Variants in PTPRE observed in about 807,000 individuals in gnomAD.
The protein encoded by PTPRE is protein tyrosine phosphatase receptor type E.
In PTPRE, 51 loss-of-function variants were observed where a neutral mutation model predicts 102.0. The ratio of observed to expected loss-of-function variants is 0.50; its 90% CI spans 0.40 to 0.63. PTPRE has a LOEUF of 0.63. PTPRE is among the 30% of genes least tolerant of loss of function. The pLI is 0.00. For missense variants in PTPRE, 752 were observed against 915.1 expected (o/e 0.82, Z 2.30); for synonymous variants, 345 against 348.2 (o/e 0.99, Z 0.10).
At chr10:128,001,106 A>G (rs1193220901) in intron 2 of PTPRE, among the ~76,000 whole-genome samples, 1 of 152,214 alleles carries the variant, frequency 6.6e-6, no homozygotes, top group Non-Finnish European at 1.5e-5. Flanking sequence ...TAAAACAACT[A>G]ATCACGTTTT....
rs11813708 is a variant in PTPRE, at chr10:128,083,706, C to A, written c.*800C>A. The A allele has an allele frequency of 0.076, 11,596 of 152,348 alleles. 690 individuals carry two copies. Among genetic ancestry groups the A allele is most frequent in the African/African-American group, 0.17 (6,848 of 41,502 alleles). The allele number at this position is 152,348 out of a possible 1,614,324, so 9.4% of individuals were successfully genotyped here. The stretch of plus-strand genomic sequence containing the variant: ...GGCCCAGACCACCCTCAGAAAAAAA[C>A]CAGCTGCCTCTCCCATTCTCCCCTC... On this transcript the variant is annotated 3_prime_UTR_variant, in exon 21 of 21. Transcript: ENST00000254667.
At chr10:128,055,811 G>T (rs1045051403) in intron 6 of PTPRE, among the ~76,000 whole-genome samples, 1 of 152,202 alleles carries the variant, frequency 6.6e-6, no homozygotes, top group Non-Finnish European at 1.5e-5. Flanking sequence ...GGGTCCATGG[G>T]CCCTGAGATA....
At chr10:127,963,090 C>A (rs896821170) in intron 1 of PTPRE, among the ~76,000 whole-genome samples, 6 of 152,150 alleles carry the variant, frequency 3.9e-5, no homozygotes, top group African/African-American at 1.4e-4. Context: ...CCTGTGGAGG[C>A]CAGACACTGA....
At chr10:127,974,148 AG>A (rs2135435280) in intron 1 of PTPRE, among the ~76,000 whole-genome samples, 1 of 152,306 alleles carries the variant, frequency 6.6e-6, no homozygotes, top group East Asian at 1.9e-4. Flanking sequence ...CCAAAGCCAA[AG>A]GTCTCTGCAG....
Position 128,047,496 on chromosome 10 carries a change from G to A in PTPRE, c.209+7G>A, listed in dbSNP as rs1053035310. 1.2e-6 allele frequency: 2 copies of A among 1,613,060 alleles called. No individual in the cohort carries two copies. The highest frequency in any genetic ancestry group is 1.7e-6 in the Non-Finnish European group (2 of 1,180,018). On this transcript the variant is annotated splice_region_variant and intron_variant, in intron 4 of 20. Coordinates refer to ENST00000254667, the MANE Select transcript of PTPRE (RefSeq NM_006504.6). The stretch of plus-strand genomic sequence containing the variant: ...TCGCCGCCTACTTCTTCAGGTAGGA[G>A]TGTCCCGGGGCACTGACTTGCCCCA...
intron 2 of PTPRE, among the ~76,000 whole-genome samples, chr10:128,006,297 G>C (rs550606825): frequency 6.6e-6 from 1 of 152,274 alleles, no homozygotes; most frequent in African/African-American, 2.4e-5. Flanking sequence ...GCACCATCAG[G>C]GTCCCTGGGT....
chr10:128,079,905 C>T (rs996301497), intron 20 of PTPRE, among the ~76,000 whole-genome samples: 4 of 152,126 alleles, frequency 2.6e-5, no homozygotes, highest in East Asian at 1.9e-4. Flanking sequence ...GGGCAAGACC[C>T]GGGAGGAGGG....
chr10:128,020,182 G>A (rs1845761185), intron 2 of PTPRE, among the ~76,000 whole-genome samples: 1 of 152,244 alleles, frequency 6.6e-6, no homozygotes, highest in South Asian at 2.1e-4. Flanking sequence ...CTTTTCCACA[G>A]CAGACCTTCT....
chr10:128,041,962 G>A (rs1847731654), intron 3 of PTPRE, among the ~76,000 whole-genome samples: 1 of 152,136 alleles, frequency 6.6e-6, no homozygotes. Flanking sequence ...AAAGATTTCT[G>A]GTGACAGAAC....
intron 2 of PTPRE, among the ~76,000 whole-genome samples, chr10:128,016,552 C>T (rs143536720): frequency 1.5e-3 from 224 of 151,138 alleles, no homozygotes; most frequent in African/African-American, 5.2e-3. Flanking sequence ...GGAGACAGCT[C>T]AGGGTCCAGG....
intron 11 of PTPRE, among the ~76,000 whole-genome samples, chr10:128,067,189 T>C (rs61134321): frequency 8.1e-6 from 1 of 123,164 alleles, no homozygotes; most frequent in Non-Finnish European, 1.7e-5. Context: ...CATTCACACA[T>C]GTGCACACAC....
chr10:128,040,963 G>A lies in PTPRE; in HGVS notation c.82G>A (p.Asp28Asn), dbSNP rs377165003. Residue 28 changes from aspartate (D) to asparagine (N), a missense_variant, in exon 3 of 21, where the codon GAC becomes AAC. Coordinates refer to ENST00000254667, the MANE Select transcript of PTPRE (RefSeq NM_006504.6). Reference protein sequence around the residue: ...RALRGNETTADSNETTTTSGP... With the variant: ...RALRGNETTANSNETTTTSGP... ...TCTCAGGGGCAACGAGACCACTGCC[G>A]ACAGCAACGAGACAACCACGACCTC... 3.2e-5 allele frequency: 51 copies of A among 1,613,880 alleles called. No homozygotes were observed. The highest frequency in any genetic ancestry group is 1.2e-4 in the African/African-American group (9 of 74,868).
chr10:128,022,889 T>A (rs1846019966), intron 2 of PTPRE, among the ~76,000 whole-genome samples: 1 of 152,218 alleles, frequency 6.6e-6, no homozygotes, highest in Non-Finnish European at 1.5e-5. Context: ...CCCTTGGAAT[T>A]GTAGTAATTT....
At chr10:128,065,376 G>A (rs1047880344) in intron 10 of PTPRE, among the ~76,000 whole-genome samples, 10 of 152,118 alleles carry the variant, frequency 6.6e-5, no homozygotes, top group Non-Finnish European at 1.2e-4. Flanking sequence ...TCATTCACTC[G>A]CGAAGTGATG....
intron 2 of PTPRE, among the ~76,000 whole-genome samples, chr10:128,023,065 A>C (rs1225577432): frequency 6.6e-6 from 1 of 152,224 alleles, no homozygotes; most frequent in Admixed American, 6.5e-5. Flanking sequence ...CCCACGGTCA[A>C]CTGTGGCCCA....
intron 2 of PTPRE, among the ~76,000 whole-genome samples, chr10:128,000,519 T>C (rs548221911): frequency 5.3e-5 from 8 of 152,326 alleles, no homozygotes; most frequent in African/African-American, 1.9e-4. Flanking sequence ...GACCATATCC[T>C]AGTGAATGAA....
Position 128,008,399 on chromosome 10 carries a change from C to T in PTPRE, c.-8+26103C>T, listed in dbSNP as rs1031684653. The stretch of plus-strand genomic sequence containing the variant: ...AAGCTCTCTCTGGACCTGAAAAAGC[C>T]TCCCATCAAGGAGAGAAATCCTAGA... On this transcript the variant is annotated intron_variant, in intron 2 of 20. Coordinates refer to ENST00000254667, the MANE Select transcript of PTPRE (RefSeq NM_006504.6). The surrounding 1 kb of genome is among the most constrained non-coding windows in gnomAD (Gnocchi z 4.0). Among the ~76,000 whole-genome samples, 1 of 152,210 alleles carries T rather than the reference C, an allele frequency of 6.6e-6. No individual in the cohort carries two copies. Among genetic ancestry groups the T allele is most frequent in the Non-Finnish European group, 1.5e-5 (1 of 68,046 alleles).
chr10:128,074,088 C>T (rs1239315029), intron 17 of PTPRE, among the ~76,000 whole-genome samples: 6 of 152,316 alleles, frequency 3.9e-5, no homozygotes, highest in South Asian at 2.1e-4. Context: ...ACTCCCCATT[C>T]CTTCCTTCCC....
chr10:127,960,959 T>G (rs1849760888), intron 1 of PTPRE, among the ~76,000 whole-genome samples: 1 of 150,308 alleles, frequency 6.7e-6, no homozygotes, highest in Non-Finnish European at 1.5e-5. Context: ...AGGCAGAGCT[T>G]GCAATGAGCT....
Sources: allele counts gnomAD v4.1 joint callset (sites outside exome capture counted in the v4.1 genomes callset), GRCh38; gene constraint gnomAD v4.1.1; non-coding constraint Gnocchi (gnomAD v3.1); transcripts MANE v1.5; gene names NCBI Gene and HGNC (gene_info 2026-07-23, HGNC 2026-07-21).